Variants in MARCHF1 observed in about 807,000 individuals in gnomAD.
The protein encoded by MARCHF1 is membrane associated ring-CH-type finger 1, also known as E3 ubiquitin-protein ligase MARCHF1.
Under a neutral mutation model 54.2 loss-of-function variants are expected in MARCHF1, and 40 were observed. The observed-to-expected ratio is 0.74, with a 90% confidence interval of 0.57 to 0.96. The LOEUF is 0.96. Among genes scored for constraint, MARCHF1 ranks in the 40% least tolerant of loss-of-function variants. The pLI is 0.00. For missense variants in MARCHF1, 586 were observed against 656.5 expected, an observed-to-expected ratio of 0.89 and a Z score of 1.17; for synonymous variants, 236 against 236.3, an observed-to-expected ratio of 1.00 and a Z score of 0.01.
At chr4:164,087,273 G>T (rs767843789) in intron 2 of MARCHF1, among the ~76,000 whole-genome samples, 21 of 152,054 alleles carry the variant, frequency 1.4e-4, no homozygotes, top group Non-Finnish European at 1.0e-4. Flanking sequence ...ATGAAGAAAT[G>T]ATTCCTTTAA....
intron 1 of MARCHF1, among the ~76,000 whole-genome samples, chr4:164,159,115 C>T (rs34873473): frequency 0.045 from 6,908 of 152,260 alleles, 217 homozygotes; most frequent in Middle Eastern, 0.15. Context: ...ATTACTTAAT[C>T]TCTTCAAGTT....
chr4:163,945,503 A>G (rs1310882911), intron 3 of MARCHF1, among the ~76,000 whole-genome samples: 6 of 152,204 alleles, frequency 3.9e-5, no homozygotes, highest in Non-Finnish European at 8.8e-5. Context: ...TCCAACAGTT[A>G]AGTTAGTAAA....
chr4:163,668,851 G>A (rs529597828), intron 5 of MARCHF1, among the ~76,000 whole-genome samples: 3 of 152,248 alleles, frequency 2.0e-5, no homozygotes, highest in Admixed American at 2.0e-4. Flanking sequence ...TGATTTGGGA[G>A]GTAGAGGAGT....
chr4:164,241,245 G>A (rs1452262920), intron 1 of MARCHF1, among the ~76,000 whole-genome samples: 3 of 151,978 alleles, frequency 2.0e-5, no homozygotes, highest in African/African-American at 7.3e-5. Context: ...CTATTCCCTA[G>A]GACCTTAGAT....
At chr4:164,065,252 A>G (rs1754702610) in intron 2 of MARCHF1, among the ~76,000 whole-genome samples, 6 of 152,220 alleles carry the variant, frequency 3.9e-5, no homozygotes, top group Admixed American at 3.9e-4. Flanking sequence ...CACATCTGGT[A>G]GGATTCAGCT....
In MARCHF1 at chr4:163,986,246, C is replaced by CTTTTTTTTTTTTTTTTTT. The variant is rs1752861022; in HGVS notation, c.-39+2254_-39+2255insAAAAAAAAAAAAAAAAAA. On this transcript the variant is annotated intron_variant, in intron 3 of 9. Transcript: ENST00000514618. ...CCTTTCCTTTTCTCCTAATTAACCT[C>CTTTTTTTTTTTTTTTTTT]TTCTTTTTTTTTTTTTTTTTTTTTT... is the stretch of plus-strand genomic sequence containing the variant. Among the ~76,000 whole-genome samples the CTTTTTTTTTTTTTTTTTT allele has an allele frequency of 4.2e-4, 31 of 73,768 alleles. 3 individuals carry two copies. Among genetic ancestry groups the CTTTTTTTTTTTTTTTTTT allele is most frequent in the Admixed American group, 1.2e-3 (6 of 5,166 alleles). The allele number at this position is 73,768 out of a possible 152,430, so 48.4% of individuals were successfully genotyped here.
At chr4:163,549,741 T>G (rs995018626) in intron 8 of MARCHF1, among the ~76,000 whole-genome samples, 1 of 152,072 alleles carries the variant, frequency 6.6e-6, no homozygotes, top group African/African-American at 2.4e-5. Context: ...AGAACTCTAT[T>G]ATTCACTTAG....
intron 3 of MARCHF1, among the ~76,000 whole-genome samples, chr4:163,922,161 A>T (rs1347867770): frequency 1.3e-5 from 2 of 149,018 alleles, no homozygotes; most frequent in East Asian, 4.1e-4. Context: ...TGGGAATTGA[A>T]CAATGGGAAC....
intron 1 of MARCHF1, among the ~76,000 whole-genome samples, chr4:164,179,810 G>A (rs567957959): frequency 6.6e-6 from 1 of 151,458 alleles, no homozygotes; most frequent in East Asian, 1.9e-4. Flanking sequence ...ACAATTAGAT[G>A]ATCTATAACC....
intron 2 of MARCHF1, among the ~76,000 whole-genome samples, chr4:164,044,075 T>G (rs1305210281): frequency 1.3e-5 from 2 of 152,180 alleles, no homozygotes; most frequent in African/African-American, 2.4e-5. Context: ...TCCAGGAAGT[T>G]CCAAACCTTC....
At chr4:163,756,978 A>G (rs1246511288) in intron 4 of MARCHF1, among the ~76,000 whole-genome samples, 1 of 152,214 alleles carries the variant, frequency 6.6e-6, no homozygotes, top group Non-Finnish European at 1.5e-5. Flanking sequence ...ACACAAGAGG[A>G]TGGAGAAGAA....
At chr4:163,545,041 G>A (rs1350778043) in intron 9 of MARCHF1, among the ~76,000 whole-genome samples, 3 of 152,150 alleles carry the variant, frequency 2.0e-5, no homozygotes, top group Non-Finnish European at 4.4e-5. Context: ...GTGAGAATAT[G>A]CCTTACTGAT....
chr4:164,197,436 A>C (rs766811512), intron 1 of MARCHF1: 7 of 1,613,422 alleles, frequency 4.3e-6, no homozygotes, highest in Admixed American at 1.7e-5. Flanking sequence ...TTTTGTTGCC[A>C]CTTAAATATA....
intron 2 of MARCHF1, among the ~76,000 whole-genome samples, chr4:164,050,489 C>T (rs1560879882): frequency 1.3e-5 from 2 of 151,944 alleles, no homozygotes; most frequent in Admixed American, 6.6e-5. Context: ...TGCTTCCTTC[C>T]ATTGCTATGC....
intron 3 of MARCHF1, among the ~76,000 whole-genome samples, chr4:163,872,685 G>T (rs1484108383): frequency 1.3e-5 from 2 of 152,138 alleles, no homozygotes; most frequent in East Asian, 3.8e-4. Context: ...ATGTGTATGT[G>T]TGTGCGTGTG....
intron 1 of MARCHF1, among the ~76,000 whole-genome samples, chr4:164,307,924 A>T (rs967359932): frequency 1.3e-5 from 2 of 152,204 alleles, no homozygotes; most frequent in African/African-American, 4.8e-5. Context: ...GTGGTGCTGT[A>T]AATGCTTTCA....
chr4:164,003,327 A>G (rs1398501629), intron 2 of MARCHF1, among the ~76,000 whole-genome samples: 3 of 152,078 alleles, frequency 2.0e-5, no homozygotes, highest in African/African-American at 7.2e-5. Flanking sequence ...GATAGATTTC[A>G]TATCAAAAGT....
chr4:164,243,647 A>C (rs1349496483), intron 1 of MARCHF1, among the ~76,000 whole-genome samples: 1 of 148,450 alleles, frequency 6.7e-6, no homozygotes, highest in Non-Finnish European at 1.5e-5. Flanking sequence ...GCTCCAATTA[A>C]AAGACACAGA....
At chr4:164,100,879 C>G (rs1036187553) in intron 2 of MARCHF1, among the ~76,000 whole-genome samples, 92 of 152,170 alleles carry the variant, frequency 6.0e-4, no homozygotes, top group African/African-American at 2.0e-3. Context: ...GAGTGCCAGA[C>G]AGTGGGCGCA....
Sources: gnomAD v4.1 joint callset for allele counts (sites outside exome capture counted in the v4.1 genomes callset) on GRCh38, gnomAD v4.1.1 for gene constraint, MANE v1.5 for transcripts, NCBI Gene and HGNC (gene_info 2026-07-23, HGNC 2026-07-21) for gene names.